KIAA2012: variants seen among roughly 807,000 people sequenced by gnomAD.
KIAA2012 encodes the protein uncharacterized protein KIAA2012.
Under a neutral mutation model 150.6 loss-of-function variants are expected in KIAA2012, and 125 were observed. The observed-to-expected ratio is 0.83, with a 90% confidence interval of 0.72 to 0.96. The LOEUF (loss-of-function observed/expected upper bound fraction) is 0.96. Ranked by LOEUF, KIAA2012 falls within the 40% of genes least tolerant of loss-of-function variation. KIAA2012 has a pLI of 0.00. For synonymous variants in KIAA2012, 462 were observed against 504.7 expected, an observed-to-expected ratio of 0.92 and a Z score of 1.13; for missense variants, 1,219 against 1,354.9, an observed-to-expected ratio of 0.90 and a Z score of 1.57.
chr2:202,105,748 C>G lies in KIAA2012; in HGVS notation c.1325-13C>G. 1 of 1,548,388 alleles carries G rather than the reference C, an allele frequency of 6.5e-7. No individual in the cohort carries two copies. The highest frequency in any genetic ancestry group is 8.7e-7 in the Non-Finnish European group (1 of 1,145,362). ...GACCTCTGCTACAATTCAGCCTCCT[C>G]TTTGTCTCCTAGGTGCTCCACACCC... is the stretch of plus-strand genomic sequence containing the variant. On this transcript the variant is annotated splice_polypyrimidine_tract_variant and intron_variant, in intron 8 of 23. Coordinates refer to ENST00000498697, the MANE Select transcript of KIAA2012 (RefSeq NM_001277372.4).
intron 12 of KIAA2012, among the ~76,000 whole-genome samples, chr2:202,132,802 A>ATTT (rs1227829333): frequency 5.3e-5 from 5 of 94,682 alleles, no homozygotes; most frequent in African/African-American, 1.5e-4. Flanking sequence ...ATATATATAT[A>ATTT]TTTTTTTTTT....
At chr2:202,162,451 T>A (rs2105719665) in intron 14 of KIAA2012, among the ~76,000 whole-genome samples, 1 of 152,032 alleles carries the variant, frequency 6.6e-6, no homozygotes, top group African/African-American at 2.4e-5. Flanking sequence ...ATTTTTGTAT[T>A]TTTAGTAGAG....
At chr2:202,131,917 T>G (rs1450104009) in intron 12 of KIAA2012, among the ~76,000 whole-genome samples, 1 of 152,168 alleles carries the variant, frequency 6.6e-6, no homozygotes, top group East Asian at 1.9e-4. Context: ...GGCTCATGCC[T>G]GTAATCCTGG....
chr2:202,183,475 A>ATT (rs1158942744), intron 15 of KIAA2012, among the ~76,000 whole-genome samples: 1 of 95,576 alleles, frequency 1.0e-5, no homozygotes, highest in Non-Finnish European at 2.0e-5. Flanking sequence ...GGGTTTTTTA[A>ATT]ATTTTTTTTT....
At chr2:202,112,206 T>C (rs1429395135) in intron 10 of KIAA2012, among the ~76,000 whole-genome samples, 1 of 152,010 alleles carries the variant, frequency 6.6e-6, no homozygotes, top group Non-Finnish European at 1.5e-5. Context: ...GGGTTGGAGC[T>C]TCCAGCCACA....
At chr2:202,194,060 C>T in intron 20 of KIAA2012, 130 bp from the exon 21 acceptor site, 2 of 977,500 alleles carry the variant, frequency 2.0e-6, no homozygotes, top group Non-Finnish European at 3.0e-6. Flanking sequence ...AACTGAGTCT[C>T]CTGGGAATAG....
chr2:202,100,426 C>A lies in KIAA2012; in HGVS notation c.1132C>A (p.Pro378Thr). Residue 378 changes from proline (P) to threonine (T), a missense_variant, in exon 7 of 24, where the codon CCT (proline) becomes ACT (threonine). Pro to Thr is a conservative substitution (Grantham distance 38, BLOSUM62 -1). Coordinates refer to ENST00000498697, the MANE Select transcript of KIAA2012 (RefSeq NM_001277372.4). ...ASATGSRIIT[P>T]GEVKKKKAPK... ...TGCCACTGGCTCCAGAATAATCACC[C>A]CTGGGGAAGTGAAGAAGAAAAAGGT... 1 of 1,550,334 alleles carries A rather than the reference C, an allele frequency of 6.5e-7. No individual in the cohort carries two copies. The highest frequency in any genetic ancestry group is 8.7e-7 in the Non-Finnish European group (1 of 1,146,888).
chr2:202,074,343 C>T (rs974031874), intron 1 of KIAA2012, among the ~76,000 whole-genome samples: 2 of 152,110 alleles, frequency 1.3e-5, no homozygotes, highest in South Asian at 2.1e-4. Context: ...CTGTGTTAAA[C>T]GGCATATAAA....
rs182994074 is a variant in KIAA2012 at position 202,154,776 on chromosome 2, G to A, written c.2012G>A (p.Arg671His). Reference sequence around the variant, plus strand: ...TCAAACAGAAAAGAATTTTACACGCGCAAGCTGCACATCGACATGACGCCG... The same window carrying A: ...TCAAACAGAAAAGAATTTTACACGCACAAGCTGCACATCGACATGACGCCG... Reference protein sequence around the residue: ...ICSNRKEFYTRKLHIDMTPFL... With the variant: ...ICSNRKEFYTHKLHIDMTPFL... Residue 671 changes from arginine to histidine, a missense_variant, in exon 14 of 24, where the codon CGC (arginine) becomes CAC (histidine). Arg to His is a conservative substitution (Grantham distance 29, BLOSUM62 0). Transcript: ENST00000498697. 628 of 1,549,318 alleles carry A rather than the reference G, an allele frequency of 4.1e-4. 1 individual carries two copies. Among genetic ancestry groups the A allele is most frequent in the Non-Finnish European group, 5.1e-4 (589 of 1,146,712 alleles).
intron 15 of KIAA2012, chr2:202,178,946 G>A (rs1316040082): frequency 3.8e-6 from 1 of 266,460 alleles, no homozygotes; most frequent in Non-Finnish European, 7.3e-6. Flanking sequence ...AGTATTAAGG[G>A]AATGATGCCA....
chr2:202,165,191 C>G, intron 14 of KIAA2012, 93 bp from the exon 15 acceptor site: 2 of 1,215,674 alleles, frequency 1.6e-6, no homozygotes. Flanking sequence ...AAACTGGCTT[C>G]CCTCTTACCA....
intron 11 of KIAA2012, among the ~76,000 whole-genome samples, chr2:202,118,182 G>A (rs16838857): frequency 6.6e-6 from 1 of 152,096 alleles, no homozygotes; most frequent in Non-Finnish European, 1.5e-5. Flanking sequence ...CAGGAAGATA[G>A]GAGCCCCACG....
rs1156440510 is a variant in KIAA2012 at position 202,196,779 on chromosome 2, AC to A, written c.3188-16del. The stretch of plus-strand genomic sequence containing the variant: ...CCTAAAAATGATCCCTGCTGAGCCC[AC>A]CCCCTTTTCTATTCTGCAGAGGCAG... On this transcript the variant is annotated intron_variant, in intron 21 of 23. Transcript: ENST00000498697. 3.2e-6 allele frequency: 5 copies of A among 1,547,986 alleles called. No individual in the cohort carries two copies. The highest frequency in any genetic ancestry group is 4.4e-6 in the Non-Finnish European group (5 of 1,145,518).
chr2:202,196,357 G>A (rs1260374403), intron 21 of KIAA2012, among the ~76,000 whole-genome samples: 1 of 151,606 alleles, frequency 6.6e-6, no homozygotes, highest in Non-Finnish European at 1.5e-5. Context: ...ACCACGCCCC[G>A]CTAATTTTTT....
At chr2:202,134,848 C>A (rs1364300095) in intron 12 of KIAA2012, among the ~76,000 whole-genome samples, 1 of 152,250 alleles carries the variant, frequency 6.6e-6, no homozygotes, top group Non-Finnish European at 1.5e-5. Flanking sequence ...AGCCACCACG[C>A]CCTGCCGACT....
In KIAA2012 at chr2:202,203,894, C is replaced by T. The variant is rs147016198; in HGVS notation, c.*21-1104C>T. Among the ~76,000 whole-genome samples the T allele has an allele frequency of 2.9e-4, 44 of 151,974 alleles. 1 individual carries two copies. The highest frequency in any genetic ancestry group is 7.2e-4 in the Admixed American group (11 of 15,250). ...ACGCCATTCTTCTGCCTCAGCTTCC[C>T]GAGTAGCTGAGACTACAGGCCCCCG... On this transcript the variant is annotated intron_variant, in intron 23 of 23. Coordinates refer to ENST00000498697, the MANE Select transcript of KIAA2012 (RefSeq NM_001277372.4).
intron 13 of KIAA2012, among the ~76,000 whole-genome samples, chr2:202,142,743 T>C (rs1045705128): frequency 6.6e-6 from 1 of 152,122 alleles, no homozygotes; most frequent in Admixed American, 6.6e-5. Flanking sequence ...TGGAGTTGGT[T>C]AGGTCAGATC....
intron 2 of KIAA2012, among the ~76,000 whole-genome samples, chr2:202,088,251 T>A (rs193149461): frequency 5.9e-5 from 9 of 152,132 alleles, no homozygotes; most frequent in African/African-American, 1.9e-4. Flanking sequence ...TGACAAAAAA[T>A]TGGGACTCTT....
chr2:202,077,600 C>T (rs750415105), intron 2 of KIAA2012, among the ~76,000 whole-genome samples: 1 of 152,198 alleles, frequency 6.6e-6, no homozygotes, highest in South Asian at 2.1e-4. Flanking sequence ...TGGAAGAGTA[C>T]AGGGCTGGAG....
Sources: allele counts gnomAD v4.1 joint callset (sites outside exome capture counted in the v4.1 genomes callset), GRCh38; gene constraint gnomAD v4.1.1; transcripts MANE v1.5; gene names NCBI Gene and HGNC (gene_info 2026-07-23, HGNC 2026-07-21).